Variants in BCL7A observed in about 807,000 individuals in gnomAD.
BCL7A encodes the protein BAF chromatin remodeling complex subunit BCL7A.
In BCL7A, 11 loss-of-function variants were observed where a neutral mutation model predicts 28.4. The ratio of observed to expected loss-of-function variants is 0.39; its 90% CI spans 0.24 to 0.64. The LOEUF (loss-of-function observed/expected upper bound fraction) is 0.64, where lower values mean the gene tolerates loss of function less well. Among genes scored for constraint, BCL7A ranks in the 30% least tolerant of loss-of-function variants. BCL7A has a pLI of 0.50. For missense variants in BCL7A, 222 were observed against 274.8 expected (o/e 0.81, Z 1.36); for synonymous variants, 123 against 103.3 (o/e 1.19, Z -1.15).
At chr12:122,041,762 T>C (rs941266636) in intron 3 of BCL7A, among the ~76,000 whole-genome samples, 5 of 151,832 alleles carry the variant, frequency 3.3e-5, no homozygotes, top group Non-Finnish European at 5.9e-5. Context: ...AGACCCTGTC[T>C]CTAAAAATAA....
At chr12:122,050,673 G>A (rs867835457) in intron 4 of BCL7A, among the ~76,000 whole-genome samples, 1 of 152,204 alleles carries the variant, frequency 6.6e-6, no homozygotes, top group South Asian at 2.1e-4. Context: ...TTGTAAAATG[G>A]GATGACCAGC....
chr12:122,059,036 C>A lies in BCL7A; in HGVS notation c.562-56C>A. The A allele has an allele frequency of 1.4e-6, 2 of 1,478,536 alleles. No individual in the cohort carries two copies. The highest frequency in any genetic ancestry group is 1.9e-6 in the Non-Finnish European group (2 of 1,057,342). The allele number at this position is 1,478,536 out of a possible 1,614,324, so 91.6% of individuals were successfully genotyped here. The stretch of plus-strand genomic sequence containing the variant: ...GGCTGACCTTCGGCCTCACGCCTGG[C>A]CTAACTTGCTCTCCTGGCCCATTAA... On this transcript the variant is annotated intron_variant, in intron 5 of 5. Transcript: ENST00000261822. This position sits in a 1 kb window ranked among gnomAD's most constrained non-coding sequence, Gnocchi z 4.0.
chr12:122,044,591 A>G (rs1884033360), intron 4 of BCL7A, among the ~76,000 whole-genome samples: 1 of 152,044 alleles, frequency 6.6e-6, no homozygotes, highest in Non-Finnish European at 1.5e-5. Context: ...GGAAGGCTGA[A>G]GCAGGAGGAT....
At chr12:122,053,184 C>T (rs886213906) in intron 4 of BCL7A, among the ~76,000 whole-genome samples, 11 of 151,566 alleles carry the variant, frequency 7.3e-5, no homozygotes, top group Admixed American at 2.0e-4. Flanking sequence ...TTAGTAGAGA[C>T]GGGGTTTCAC....
intron 4 of BCL7A, among the ~76,000 whole-genome samples, chr12:122,046,151 C>G (rs1158262006): frequency 6.7e-6 from 1 of 149,660 alleles, no homozygotes; most frequent in Non-Finnish European, 1.5e-5. Context: ...TCCGGATGGT[C>G]TAACATGGAG....
intron 1 of BCL7A, among the ~76,000 whole-genome samples, chr12:122,023,419 C>A (rs938747162): frequency 5.3e-5 from 8 of 152,004 alleles, no homozygotes; most frequent in African/African-American, 1.9e-4. Context: ...CGAGTAGCGC[C>A]TCGGTCTCTA....
chr12:122,024,002 G>A (rs1883547591), intron 1 of BCL7A, among the ~76,000 whole-genome samples: 1 of 152,190 alleles, frequency 6.6e-6, no homozygotes, highest in African/African-American at 2.4e-5. Context: ...CCTGCACCCT[G>A]ACAGCTGCTC....
intron 3 of BCL7A, among the ~76,000 whole-genome samples, chr12:122,041,697 G>A (rs1011376144): frequency 6.6e-5 from 10 of 152,158 alleles, no homozygotes; most frequent in Non-Finnish European, 1.2e-4. Context: ...CTAGGAGTTC[G>A]AGGCTGCAGT....
At chr12:122,044,164 G>C in intron 4 of BCL7A, 111 bp downstream of exon 4, 1 of 1,296,022 alleles carries the variant, frequency 7.7e-7, no homozygotes, top group Non-Finnish European at 1.0e-6. Flanking sequence ...CCAGCAAGGA[G>C]ACAGTAAAGA....
At position 122,060,342 on chromosome 12, in the gene BCL7A, G is replaced by C; in HGVS notation, c.*1179G>C. 4.3e-6 allele frequency: 1 copy of C among 232,938 alleles called. No individual in the cohort carries two copies. Among genetic ancestry groups the C allele is most frequent in the East Asian group, 6.1e-5 (1 of 16,494 alleles). The allele number at this position is 232,938 out of a possible 1,614,324, so 14.4% of individuals were successfully genotyped here. On this transcript the variant is annotated 3_prime_UTR_variant, in exon 6 of 6. Transcript: ENST00000261822. ...AGAACATGCCGTCTGTCCCCACCGG[G>C]GAGTGGGCCTTGATGGCCGGGCCTC...
At chr12:122,055,111 G>T in intron 5 of BCL7A, 185 bp downstream of exon 5, 2 of 1,245,388 alleles carry the variant, frequency 1.6e-6, no homozygotes, top group East Asian at 2.4e-5. Context: ...GGGCTCTGGG[G>T]CCGAGGGATA....
intron 1 of BCL7A, among the ~76,000 whole-genome samples, chr12:122,025,613 C>G (rs1418670726): frequency 6.8e-6 from 1 of 147,126 alleles, no homozygotes. Flanking sequence ...GGCAACAGAG[C>G]GAGACTCCAT....
Position 122,061,154 on chromosome 12 carries a change from G to A in BCL7A, c.*1991G>A, listed in dbSNP as rs1037223398. ...GCAGCGAAACTCCATCTTGGTGAGA[G>A]ATGAATTTGGATATTTATTTCCTTC... is the stretch of plus-strand genomic sequence containing the variant. On this transcript the variant is annotated 3_prime_UTR_variant, in exon 6 of 6. Transcript: ENST00000261822. 4.4e-6 allele frequency: 1 copy of A among 225,852 alleles called. No individual in the cohort carries two copies. The highest frequency in any genetic ancestry group is 2.2e-5 in the African/African-American group (1 of 44,868). 14.0% of individuals were successfully genotyped at this position (225,852 alleles called of 1,614,324 possible).
Position 122,054,866 on chromosome 12 carries a change from A to C in BCL7A, c.501A>C (p.Lys167Asn). The C allele has an allele frequency of 1.2e-6, 2 of 1,614,250 alleles. No individual in the cohort carries two copies. Among genetic ancestry groups the C allele is most frequent in the Non-Finnish European group, 1.7e-6 (2 of 1,180,054 alleles). The change falls in exon 5 of 6, where the codon AAA becomes AAC. Residue 167 changes from lysine (K) to asparagine (N), a missense_variant. Lys to Asn is a moderately conservative substitution (Grantham distance 94). This residue lies in a region of BCL7A where 155 missense variants were observed against 145.7 expected (regional missense o/e 1.06). Coordinates refer to ENST00000261822, the MANE Select transcript of BCL7A (RefSeq NM_001024808.3). ...SMEHSMNSSE[K>N]VDRQPSGDSG... ...AACATTCGATGAACAGCTCAGAGAA[A>C]GTAGATCGGCAGCCGTCTGGAGACT...
At chr12:122,025,481 G>C (rs1593021317) in intron 1 of BCL7A, among the ~76,000 whole-genome samples, 1 of 151,976 alleles carries the variant, frequency 6.6e-6, no homozygotes, top group Admixed American at 6.5e-5. Flanking sequence ...AAAAAAATTA[G>C]CCAGGCGTGG....
chr12:122,023,028 CGG>C, intron 1 of BCL7A, among the ~76,000 whole-genome samples: 1 of 152,228 alleles, frequency 6.6e-6, no homozygotes, highest in South Asian at 2.1e-4. Context: ...TTCTCTGCAC[CGG>C]GGAGAGGGGG....
At chr12:122,043,750 C>T (rs1375635773) in intron 3 of BCL7A, 136 bp from the exon 4 acceptor site, 22 of 769,958 alleles carry the variant, frequency 2.9e-5, no homozygotes, top group East Asian at 9.4e-5. Context: ...AAAAAAAAAA[C>T]GGTAACCAGA....
intron 3 of BCL7A, among the ~76,000 whole-genome samples, chr12:122,040,645 T>C (rs1286110149): frequency 1.3e-5 from 2 of 151,830 alleles, no homozygotes; most frequent in Non-Finnish European, 2.9e-5. Flanking sequence ...CCTGTTGACT[T>C]TCTGATTTTC....
intron 4 of BCL7A, among the ~76,000 whole-genome samples, chr12:122,048,179 A>C (rs980807368): frequency 6.6e-6 from 1 of 151,868 alleles, no homozygotes; most frequent in Non-Finnish European, 1.5e-5. Context: ...CTGGGATTAT[A>C]GGCGTGAGCC....
Sources: allele counts gnomAD v4.1 joint callset (sites outside exome capture counted in the v4.1 genomes callset), GRCh38; gene constraint gnomAD v4.1.1; regional missense constraint gnomAD v4.1.1; non-coding constraint Gnocchi (gnomAD v3.1); transcripts MANE v1.5; gene names NCBI Gene and HGNC (gene_info 2026-07-23, HGNC 2026-07-21).